Variants in CPXM2 observed in about 807,000 individuals in gnomAD.
CPXM2 encodes carboxypeptidase X, M14 family member 2.
A neutral mutation model predicts 86.1 loss-of-function variants in CPXM2; 66 were observed. The observed-to-expected ratio is 0.77, with a 90% CI of 0.63 to 0.94. The LOEUF is 0.94. CPXM2 is among the 40% of genes least tolerant of loss of function. The pLI, the probability that CPXM2 is intolerant of heterozygous loss-of-function variation, is 0.00. For missense variants in CPXM2, 948 were observed against 1,026.3 expected (o/e 0.92, Z 1.04); for synonymous variants, 388 against 400.2 (o/e 0.97, Z 0.36).
Position 123,914,094 on chromosome 10 carries a change from G to A in CPXM2, n.174+25383C>T. ...CTTTGGCATGGAGCATGCAATTTGG[G>A]AGGAGATCCAGCCTGCCCTGTGCCT... On this transcript the variant is annotated intron_variant and non_coding_transcript_variant, in intron 2 of 19. Coordinates refer to the CPXM2 transcript ENST00000368854. The A allele has an allele frequency of 6.4e-6, 3 of 471,268 alleles. No individual in the cohort carries two copies. In the Admixed American group the frequency reaches 6.7e-5, roughly 10 times the overall value. 29.2% of individuals were successfully genotyped at this position (471,268 alleles called of 1,614,324 possible). A position where few individuals can be genotyped will look rare whatever the true frequency, so the allele number is the denominator to read the frequency against.
chr10:123,878,224 A>G (rs1284173115), intron 2 of CPXM2, among the ~76,000 whole-genome samples: 1 of 150,024 alleles, frequency 6.7e-6, no homozygotes, highest in Non-Finnish European at 1.5e-5. Context: ...CATGGCCACC[A>G]TCTGTCGGTT....
At chr10:123,876,153 C>G (rs1167003831) in intron 2 of CPXM2, among the ~76,000 whole-genome samples, 2 of 152,066 alleles carry the variant, frequency 1.3e-5, no homozygotes, top group Non-Finnish European at 2.9e-5. Flanking sequence ...GCTCTAAGAA[C>G]TGAAATCAAA....
chr10:123,838,782 A>G (rs1848326172), intron 4 of CPXM2, among the ~76,000 whole-genome samples: 1 of 152,180 alleles, frequency 6.6e-6, no homozygotes, highest in African/African-American at 2.4e-5. Flanking sequence ...GCGACCCTGC[A>G]GAACCTGGGA....
chr10:123,904,278 TG>T (rs955482278), intron 2 of CPXM2, among the ~76,000 whole-genome samples: 13 of 152,202 alleles, frequency 8.5e-5, no homozygotes, highest in African/African-American at 3.1e-4. Context: ...GACACTCCAC[TG>T]GGCCACTTCT....
rs1196287176 is a variant in CPXM2, at chr10:123,918,273, C to T, written n.174+21204G>A. Among the ~76,000 whole-genome samples, 4 of 152,130 alleles carry T rather than the reference C, an allele frequency of 2.6e-5. No individual in the cohort carries two copies. In the East Asian group the frequency reaches 7.7e-4, roughly 29 times the overall value. ...GGAGAAATTTCAAGAAATTATGACC[C>T]TTGTGCTTGCTGAAATATTATGCAG... On this transcript the variant is annotated intron_variant and non_coding_transcript_variant, in intron 2 of 19. Coordinates refer to the CPXM2 transcript ENST00000368854.
intron 4 of CPXM2, among the ~76,000 whole-genome samples, chr10:123,814,755 G>A (rs1006904205): frequency 1.8e-4 from 28 of 152,150 alleles, no homozygotes; most frequent in African/African-American, 6.8e-4. Flanking sequence ...CAGGTGCAGT[G>A]GTTCATGCCT....
chr10:123,915,694 T>C (rs1202586121), intron 2 of CPXM2, among the ~76,000 whole-genome samples: 1 of 152,154 alleles, frequency 6.6e-6, no homozygotes, highest in Non-Finnish European at 1.5e-5. Flanking sequence ...AATGGCTCCT[T>C]ATGGACAGGT....
intron 3 of CPXM2, among the ~76,000 whole-genome samples, chr10:123,850,953 T>G (rs935483906): frequency 1.4e-4 from 22 of 152,224 alleles, no homozygotes; most frequent in Admixed American, 1.1e-3. Context: ...GCTGTGCTAC[T>G]TTACATTCCC....
intron 4 of CPXM2, among the ~76,000 whole-genome samples, chr10:123,814,932 G>C (rs897393478): frequency 6.6e-6 from 1 of 152,146 alleles, no homozygotes; most frequent in Non-Finnish European, 1.5e-5. Context: ...GGTTGAGCTG[G>C]GAGGATCACT....
At chr10:123,789,901 G>A (rs1452350861) in intron 6 of CPXM2, among the ~76,000 whole-genome samples, 3 of 152,084 alleles carry the variant, frequency 2.0e-5, no homozygotes, top group Non-Finnish European at 4.4e-5. Context: ...GGCGGATCAC[G>A]AGGTCAGGAG....
chr10:123,825,502 C>T (rs1193954217), intron 4 of CPXM2, among the ~76,000 whole-genome samples: 1 of 152,168 alleles, frequency 6.6e-6, no homozygotes, highest in African/African-American at 2.4e-5. Flanking sequence ...CAGTTAGTTA[C>T]CGCCTTTGTG....
chr10:123,778,971 G>A (rs1484121486), intron 7 of CPXM2, among the ~76,000 whole-genome samples: 1 of 152,216 alleles, frequency 6.6e-6, no homozygotes, highest in African/African-American at 2.4e-5. Context: ...AGTATCTCAA[G>A]TTAGATCACA....
chr10:123,864,902 A>C (rs1299647799), intron 2 of CPXM2, among the ~76,000 whole-genome samples: 1 of 152,208 alleles, frequency 6.6e-6, no homozygotes, highest in Non-Finnish European at 1.5e-5. Flanking sequence ...TCTTGCCAAG[A>C]TACATAAGGG....
intron 1 of CPXM2, among the ~76,000 whole-genome samples, chr10:123,881,813 G>A (rs551345124): frequency 3.9e-4 from 59 of 152,336 alleles, no homozygotes; most frequent in African/African-American, 1.4e-3. Context: ...CAGCATCCCA[G>A]TGGCAATGGG....
intron 4 of CPXM2, among the ~76,000 whole-genome samples, chr10:123,837,097 C>T (rs1341847270): frequency 2.6e-5 from 4 of 152,250 alleles, no homozygotes; most frequent in Non-Finnish European, 4.4e-5. Flanking sequence ...CTGACGTTGG[C>T]ATCTTACCCA....
chr10:123,936,636 C>G (rs1340012310), intron 2 of CPXM2, among the ~76,000 whole-genome samples: 1 of 152,224 alleles, frequency 6.6e-6, no homozygotes, highest in African/African-American at 2.4e-5. Flanking sequence ...TGTCTTTTCT[C>G]AAGGGGCAAT....
At chr10:123,784,483 G>C (rs191411252) in intron 6 of CPXM2, among the ~76,000 whole-genome samples, 1 of 152,266 alleles carries the variant, frequency 6.6e-6, no homozygotes, top group East Asian at 1.9e-4. Flanking sequence ...TCCTCCTGTG[G>C]TTTTCTTTTG....
chr10:123,939,617 G>A (rs1945756249), intron 1 of CPXM2: 1 of 152,262 alleles, frequency 6.6e-6, no homozygotes. Context: ...TGCGTCTAAA[G>A]GGCTCAGCGG....
intron 7 of CPXM2, 66 bp from the exon 8 acceptor site, chr10:123,771,105 C>T: frequency 6.6e-7 from 1 of 1,509,356 alleles, no homozygotes; most frequent in Non-Finnish European, 9.1e-7. Context: ...ACAGAGCTCC[C>T]AAGAAAACGG....
Sources: allele counts gnomAD v4.1 joint callset (sites outside exome capture counted in the v4.1 genomes callset), GRCh38; gene constraint gnomAD v4.1.1; transcripts MANE v1.5; gene names NCBI Gene and HGNC (gene_info 2026-07-23, HGNC 2026-07-21).